The following C6 variants were observed in gnomAD, a reference collection of about 807,000 sequenced individuals.
C6 encodes complement C6, also known as complement component C6.
A neutral mutation model predicts 112.9 loss-of-function variants in C6; 101 were observed. The ratio of observed to expected loss-of-function variants is 0.89; its 90% CI spans 0.76 to 1.06. C6 has a LOEUF of 1.06. C6 is among the 50% of genes least tolerant of loss of function. The pLI, the probability that C6 is intolerant of heterozygous loss-of-function variation, is 0.00. For synonymous variants in C6, 431 were observed against 384.1 expected, an observed-to-expected ratio of 1.12 and a Z score of -1.43; for missense variants, 1,202 against 1,104.6, an observed-to-expected ratio of 1.09 and a Z score of -1.25.
intron 1 of C6, among the ~76,000 whole-genome samples, chr5:41,238,296 G>C (rs973346224): frequency 6.8e-6 from 1 of 146,832 alleles, no homozygotes; most frequent in Non-Finnish European, 1.5e-5. Flanking sequence ...AAAGAACAAA[G>C]CTGGAGGCAT....
chr5:41,165,089 A>G (rs1469521539), intron 9 of C6, among the ~76,000 whole-genome samples: 1 of 152,180 alleles, frequency 6.6e-6, no homozygotes, highest in East Asian at 1.9e-4. Flanking sequence ...GTTTTAAAAC[A>G]TGTACTCTTT....
chr5:41,256,443 T>TAAAAAAAAAAAAAAAAAAAAAA (rs5867547), intron 1 of C6, among the ~76,000 whole-genome samples: 1 of 122,908 alleles, frequency 8.1e-6, no homozygotes. Context: ...AAAAAAAAAG[T>TAAAAAAAAAAAAAAAAAAAAAA]AAAAAAAAAA....
chr5:41,181,617 G>A, intron 6 of C6, 58 bp from the exon 7 acceptor site: 1 of 1,315,948 alleles, frequency 7.6e-7, no homozygotes, highest in Non-Finnish European at 1.1e-6. Flanking sequence ...AGCGACTTGT[G>A]GATATCTAAT....
chr5:41,179,419 T>A (rs1197884608), intron 7 of C6, among the ~76,000 whole-genome samples: 1 of 152,078 alleles, frequency 6.6e-6, no homozygotes, highest in African/African-American at 2.4e-5. Flanking sequence ...TCATTGACTA[T>A]GTTTATAAGC....
At chr5:41,163,061 GT>G (rs1436227345) in intron 9 of C6, among the ~76,000 whole-genome samples, 1 of 151,810 alleles carries the variant, frequency 6.6e-6, no homozygotes, top group East Asian at 1.9e-4. Flanking sequence ...GAGTAAGTCT[GT>G]TTACTGTTCC....
chr5:41,193,213 A>C (rs1164547446), intron 5 of C6, among the ~76,000 whole-genome samples: 1 of 152,176 alleles, frequency 6.6e-6, no homozygotes, highest in Non-Finnish European at 1.5e-5. Flanking sequence ...GCTTGAGAAA[A>C]ATGGCTCTCA....
chr5:41,161,979 A>G (rs188191724), intron 9 of C6, 120 bp from the exon 10 acceptor site: 3 of 922,668 alleles, frequency 3.3e-6, no homozygotes, highest in East Asian at 2.6e-5. Flanking sequence ...ATGTAGCTCC[A>G]TTAAGAAAGC....
At chr5:41,203,454 G>T (rs1157055294) in intron 1 of C6, 1 of 532,752 alleles carries the variant, frequency 1.9e-6, no homozygotes, top group Non-Finnish European at 3.4e-6. Flanking sequence ...GATTACCATA[G>T]GCACAACCTC....
intron 1 of C6, among the ~76,000 whole-genome samples, chr5:41,225,833 C>G (rs557068980): frequency 0.012 from 1,826 of 152,156 alleles, 15 homozygotes; most frequent in Non-Finnish European, 0.018. Context: ...ACAAACCTGA[C>G]AAAAACAAGC....
chr5:41,242,353 G>C (rs970016313), intron 1 of C6, among the ~76,000 whole-genome samples: 6 of 152,254 alleles, frequency 3.9e-5, no homozygotes, highest in Admixed American at 3.3e-4. Flanking sequence ...GCTGTCCTGT[G>C]AAGAAGGTGC....
chr5:41,145,588 T>C (rs1745743306), intron 17 of C6, among the ~76,000 whole-genome samples: 1 of 152,184 alleles, frequency 6.6e-6, no homozygotes, highest in South Asian at 2.1e-4. Context: ...GTGTCTCAAC[T>C]GATGGGGAAA....
At chr5:41,173,676 CT>C (rs1375897128) in intron 8 of C6, among the ~76,000 whole-genome samples, 1 of 152,126 alleles carries the variant, frequency 6.6e-6, no homozygotes, top group East Asian at 1.9e-4. Flanking sequence ...GTTTTTAGAG[CT>C]TGAGGTTCTG....
At chr5:41,252,114 T>A (rs1741398593) in intron 1 of C6, among the ~76,000 whole-genome samples, 1 of 152,224 alleles carries the variant, frequency 6.6e-6, no homozygotes, top group Admixed American at 6.5e-5. Flanking sequence ...AAAGGTGGTT[T>A]GCAAATATTC....
At position 41,150,038 on chromosome 5, in the gene C6, A is replaced by G. The variant is rs1344361621; in HGVS notation, c.2291-13T>C. On this transcript the variant is annotated splice_polypyrimidine_tract_variant and intron_variant, in intron 15 of 17. Transcript: ENST00000337836. Reference sequence around the variant, plus strand: ...TTTGTTAGAGTATCTGAAACAAAAGAAAAAAGGAGAAAAGAACAGTGCACA... The same window carrying G: ...TTTGTTAGAGTATCTGAAACAAAAGGAAAAAGGAGAAAAGAACAGTGCACA... 4 of 1,532,116 alleles carry G rather than the reference A, an allele frequency of 2.6e-6. No homozygotes were observed. Among genetic ancestry groups the G allele is most frequent in the Admixed American group, 3.3e-5 (2 of 59,880 alleles). 94.9% of individuals were successfully genotyped at this position (1,532,116 alleles called of 1,614,324 possible). A position where few individuals can be genotyped will look rare whatever the true frequency, so the allele number is the denominator to read the frequency against.
intron 13 of C6, among the ~76,000 whole-genome samples, chr5:41,157,016 T>A (rs1746976817): frequency 6.6e-6 from 1 of 152,194 alleles, no homozygotes; most frequent in Non-Finnish European, 1.5e-5. Flanking sequence ...TGCAATAACA[T>A]CATTGCTCTA....
chr5:41,213,312 G>T (rs1752059129), intron 1 of C6, 64 bp downstream of exon 1: 3 of 697,866 alleles, frequency 4.3e-6, no homozygotes, highest in East Asian at 1.3e-4. Context: ...TTGTAATTTT[G>T]TTGGAAACAT....
intron 17 of C6, among the ~76,000 whole-genome samples, chr5:41,145,726 T>G (rs951206209): frequency 9.9e-5 from 15 of 152,168 alleles, no homozygotes; most frequent in African/African-American, 3.6e-4. Flanking sequence ...CTAGAGAAGA[T>G]TCTTGTTCAT....
In C6 at chr5:41,191,755, C is replaced by T. The variant is rs151313292; in HGVS notation, c.587+4037G>A. The stretch of plus-strand genomic sequence containing the variant: ...AGATTTTTGTATATTGATTGTGTAT[C>T]CTGCAACTTTACTGAATTCATTTAT... On this transcript the variant is annotated intron_variant, in intron 5 of 17. Coordinates refer to ENST00000337836, the MANE Select transcript of C6 (RefSeq NM_000065.5). Among the ~76,000 whole-genome samples the T allele has an allele frequency of 5.4e-3, 798 of 149,058 alleles. 3 individuals are homozygous for T. Among genetic ancestry groups the T allele is most frequent in the South Asian group, 0.011 (54 of 4,756 alleles).
intron 17 of C6, 53 bp downstream of exon 17, chr5:41,149,188 G>T: frequency 6.3e-7 from 1 of 1,597,768 alleles, no homozygotes; most frequent in Non-Finnish European, 8.6e-7. Flanking sequence ...TGATGTACTA[G>T]CTGAGATGAA....
Sources: gnomAD v4.1 joint callset for allele counts (sites outside exome capture counted in the v4.1 genomes callset) on GRCh38, gnomAD v4.1.1 for gene constraint, MANE v1.5 for transcripts, NCBI Gene and HGNC (gene_info 2026-07-23, HGNC 2026-07-21) for gene names.